Variants in APBB2 observed in about 807,000 individuals in gnomAD.
APBB2 encodes the protein amyloid beta precursor protein binding family B member 2, also known as Fe65-like 1.
Under a neutral mutation model 82.5 loss-of-function variants are expected in APBB2, and 38 were observed. That is an observed-to-expected ratio of 0.46 (90% CI 0.36 to 0.60). The LOEUF (loss-of-function observed/expected upper bound fraction) is 0.60, where lower values mean the gene tolerates loss of function less well. APBB2 is among the 20% of genes least tolerant of loss of function. APBB2 has a pLI of 0.00. For synonymous variants in APBB2, 341 were observed against 368.2 expected, an observed-to-expected ratio of 0.93 and a Z score of 0.85; for missense variants, 772 against 972.3, an observed-to-expected ratio of 0.79 and a Z score of 2.74.
At chr4:40,990,651 G>A (rs913571176) in intron 6 of APBB2, among the ~76,000 whole-genome samples, 1 of 152,146 alleles carries the variant, frequency 6.6e-6, no homozygotes, top group Non-Finnish European at 1.5e-5. Flanking sequence ...TCACCCCAAC[G>A]TAACCCAGAC....
At chr4:41,080,336 T>C (rs776120539) in intron 3 of APBB2, among the ~76,000 whole-genome samples, 4 of 152,180 alleles carry the variant, frequency 2.6e-5, no homozygotes, top group Non-Finnish European at 5.9e-5. Context: ...ATAGAGAGCT[T>C]AGAATGCACT....
intron 2 of APBB2, among the ~76,000 whole-genome samples, chr4:41,135,615 G>T (rs748187800): frequency 1.3e-5 from 2 of 152,164 alleles, no homozygotes; most frequent in African/African-American, 4.8e-5. Context: ...GTTTGTTCTT[G>T]TATCAGTAAT....
chr4:40,952,008 G>T (rs1790311515), intron 6 of APBB2, among the ~76,000 whole-genome samples: 1 of 151,948 alleles, frequency 6.6e-6, no homozygotes, highest in Non-Finnish European at 1.5e-5. Context: ...CCAACACAGT[G>T]AAACCTGTCT....
At chr4:40,903,497 G>C (rs1386511797) in intron 10 of APBB2, among the ~76,000 whole-genome samples, 1 of 152,206 alleles carries the variant, frequency 6.6e-6, no homozygotes, top group Middle Eastern at 3.4e-3. Context: ...AATGATGCAA[G>C]AAACTGATTT....
chr4:40,982,394 AG>A (rs1211764280), intron 6 of APBB2, among the ~76,000 whole-genome samples: 1,087 of 59,670 alleles, frequency 0.018, 111 homozygotes, highest in East Asian at 0.023. Flanking sequence ...AAGGAAGGAA[AG>A]GAAAGGAAAG....
chr4:41,145,077 G>A (rs988567443), intron 1 of APBB2, among the ~76,000 whole-genome samples: 1 of 152,176 alleles, frequency 6.6e-6, no homozygotes, highest in African/African-American at 2.4e-5. Context: ...CCATGTTCAC[G>A]TCACTATACT....
At chr4:40,943,340 G>C (rs969993793) in intron 7 of APBB2, among the ~76,000 whole-genome samples, 1 of 152,214 alleles carries the variant, frequency 6.6e-6, no homozygotes, top group Non-Finnish European at 1.5e-5. Flanking sequence ...GTTTGGAATA[G>C]GGAAATGAAA....
rs1560914336 is a variant in APBB2 at position 41,160,023 on chromosome 4, GAAGA to G, written c.-416-16885_-416-16882del. ...AGAAGAAGAAGAAGAAGAAGAAGAA[GAAGA>G]AGAAGAAGAAAACATCACAGGATGC... is the stretch of plus-strand genomic sequence containing the variant. On this transcript the variant is annotated intron_variant, in intron 1 of 17. Transcript: ENST00000508593. Among the ~76,000 whole-genome samples the G allele has an allele frequency of 4.8e-5, 7 of 147,298 alleles. No individual in the cohort carries two copies. The East Asian group carries it at 1.2e-3, about 25-fold the overall frequency.
At chr4:41,200,042 T>C (rs1275310342) in intron 1 of APBB2, among the ~76,000 whole-genome samples, 1 of 152,200 alleles carries the variant, frequency 6.6e-6, no homozygotes, top group African/African-American at 2.4e-5. Context: ...AAATCATTGT[T>C]AACCAACCCA....
rs765343621 is a variant in APBB2, at chr4:41,013,922, C to T, written c.496G>A (p.Ala166Thr). The T allele has an allele frequency of 8.7e-6, 14 of 1,614,182 alleles. No individual in the cohort carries two copies. Among genetic ancestry groups the T allele is most frequent in the African/African-American group, 1.3e-5 (1 of 75,038 alleles). The change falls in exon 6 of 18, where the codon GCA becomes ACA. Residue 166 changes from alanine to threonine, a missense_variant. Physicochemically the swap from Ala to Thr is moderately conservative, Grantham distance 58. Coordinates refer to ENST00000508593, the MANE Select transcript of APBB2 (RefSeq NM_004307.2). ...TCTCTGGCTGAGGTTTCCAGATCTG[C>T]ATAGTAATTTAGGAAGCTCTTAGTT... Reference protein sequence around the residue: ...RRTKSFLNYYADLETSARELE... With the variant: ...RRTKSFLNYYTDLETSARELE...
chr4:40,825,719 A>G, intron 15 of APBB2, 168 bp downstream of exon 15: 1 of 609,798 alleles, frequency 1.6e-6, no homozygotes, highest in Non-Finnish European at 3.0e-6. Flanking sequence ...CCCTCTACTC[A>G]TCTTTTGATC....
At chr4:40,899,351 T>C (rs1312558362) in intron 10 of APBB2, among the ~76,000 whole-genome samples, 1 of 152,218 alleles carries the variant, frequency 6.6e-6, no homozygotes, top group East Asian at 1.9e-4. Context: ...TGTTCTCTTT[T>C]CTTCCACAGT....
rs1023372957 is a variant in APBB2 at position 41,143,146 on chromosome 4, G to C, written c.-416-4C>G. Reference sequence around the variant, plus strand: ...GCTCACCCACAGCAACTCCAACCTGGGGGGGCAAAGGCCAGAAGCCATTAT... The same window carrying C: ...GCTCACCCACAGCAACTCCAACCTGCGGGGGCAAAGGCCAGAAGCCATTAT... On this transcript the variant is annotated splice_polypyrimidine_tract_variant and splice_region_variant and intron_variant, in intron 1 of 17. Coordinates refer to ENST00000508593, the MANE Select transcript of APBB2 (RefSeq NM_004307.2). 5 of 152,326 alleles carry C rather than the reference G, an allele frequency of 3.3e-5. No homozygotes were observed. Among genetic ancestry groups the C allele is most frequent in the South Asian group, 2.1e-4 (1 of 4,830 alleles). The allele number at this position is 152,326 out of a possible 1,614,324, so 9.4% of individuals were successfully genotyped here. A position where few individuals can be genotyped will look rare whatever the true frequency, so the allele number is the denominator to read the frequency against.
intron 2 of APBB2, among the ~76,000 whole-genome samples, chr4:41,118,960 C>G (rs566864230): frequency 6.6e-6 from 1 of 151,986 alleles, no homozygotes; most frequent in Non-Finnish European, 1.5e-5. Context: ...GGCAATACAG[C>G]GAAACCCCAA....
intron 4 of APBB2, among the ~76,000 whole-genome samples, chr4:41,063,208 A>G (rs1355687007): frequency 6.6e-6 from 1 of 152,214 alleles, no homozygotes; most frequent in Non-Finnish European, 1.5e-5. Flanking sequence ...GGGGTGGGCA[A>G]ATTTTTTCTT....
chr4:40,998,376 A>G (rs1360933556), intron 6 of APBB2, among the ~76,000 whole-genome samples: 2 of 151,752 alleles, frequency 1.3e-5, no homozygotes, highest in African/African-American at 2.4e-5. Flanking sequence ...TGTATGACAG[A>G]CCAATAGATT....
At chr4:41,196,175 C>A in intron 1 of APBB2, among the ~76,000 whole-genome samples, 10 of 151,554 alleles carry the variant, frequency 6.6e-5, no homozygotes, top group African/African-American at 2.4e-4. Flanking sequence ...AAAAAAATCA[C>A]ATCCCCTCCT....
intron 10 of APBB2, among the ~76,000 whole-genome samples, chr4:40,921,010 A>G (rs1248810336): frequency 6.6e-6 from 1 of 152,212 alleles, no homozygotes; most frequent in African/African-American, 2.4e-5. Context: ...GCAGTGGAAC[A>G]GTGATCAAGC....
chr4:41,151,317 A>G (rs1762217998), intron 1 of APBB2, among the ~76,000 whole-genome samples: 1 of 152,170 alleles, frequency 6.6e-6, no homozygotes, highest in Non-Finnish European at 1.5e-5. Flanking sequence ...ACTTTCTTCA[A>G]TTATGGAAAT....
Sources: gnomAD v4.1 joint callset for allele counts (sites outside exome capture counted in the v4.1 genomes callset) on GRCh38, gnomAD v4.1.1 for gene constraint, MANE v1.5 for transcripts, NCBI Gene and HGNC (gene_info 2026-07-23, HGNC 2026-07-21) for gene names.